JDP2: variants seen among roughly 807,000 people sequenced by gnomAD.
JDP2 encodes the protein Jun dimerization protein 2, also known as progesterone receptor co-activator.
JDP2 carries 9 observed loss-of-function variants against 17.1 expected under a neutral mutation model. The ratio of observed to expected loss-of-function variants is 0.53; its 90% CI spans 0.32 to 0.92. JDP2 has a LOEUF of 0.92. Ranked by LOEUF, JDP2 falls within the 40% of genes least tolerant of loss-of-function variation. The pLI is 0.04. For synonymous variants in JDP2, 107 were observed against 95.6 expected, an observed-to-expected ratio of 1.12 and a Z score of -0.69; for missense variants, 179 against 220.0, an observed-to-expected ratio of 0.81 and a Z score of 1.18.
chr14:75,466,352 A>G (rs1886569876), intron 3 of JDP2, among the ~76,000 whole-genome samples: 1 of 152,164 alleles, frequency 6.6e-6, no homozygotes, highest in Non-Finnish European at 1.5e-5. Flanking sequence ...GAGGCACGAG[A>G]ATTGCTTGAA....
intron 2 of JDP2, among the ~76,000 whole-genome samples, chr14:75,439,337 C>T (rs1451782188): frequency 6.6e-6 from 1 of 152,180 alleles, no homozygotes; most frequent in African/African-American, 2.4e-5. Flanking sequence ...TTTTGTTTGG[C>T]CGGCTCAGTG....
chr14:75,452,982 A>G (rs969197286), intron 2 of JDP2, among the ~76,000 whole-genome samples: 1 of 152,228 alleles, frequency 6.6e-6, no homozygotes, highest in African/African-American at 2.4e-5. Context: ...AGTTTCCAAC[A>G]GCTCAGCCCC....
intron 2 of JDP2, among the ~76,000 whole-genome samples, chr14:75,442,162 G>A (rs1375011991): frequency 1.3e-5 from 2 of 152,042 alleles, no homozygotes; most frequent in African/African-American, 4.8e-5. Flanking sequence ...TTGTTCACAG[G>A]GTGGTTTGCT....
In JDP2 at chr14:75,430,466, AATGGAGTGAGTGTAT is replaced by A. The variant is rs373319839; in HGVS notation, c.-24+2219_-24+2233del. Among the ~76,000 whole-genome samples, 862 of 152,202 alleles carry A rather than the reference AATGGAGTGAGTGTAT, an allele frequency of 5.7e-3. 3 individuals are homozygous for A. Among genetic ancestry groups the A allele is most frequent in the African/African-American group, 0.02 (824 of 41,510 alleles). On this transcript the variant is annotated intron_variant, in intron 1 of 3. Coordinates refer to ENST00000651602, the MANE Select transcript of JDP2 (RefSeq NM_001135048.2). The surrounding 1 kb of genome is among the most constrained non-coding windows in gnomAD (Gnocchi z 4.5). ...GAAACCGAAATGGGAGGAAGAGAAA[AATGGAGTGAGTGTAT>A]ATGGGTATGTGTGTGTGCATACCTA...
At chr14:75,461,204 C>T (rs941511138) in intron 2 of JDP2, among the ~76,000 whole-genome samples, 22 of 152,192 alleles carry the variant, frequency 1.4e-4, no homozygotes, top group Admixed American at 8.5e-4. Flanking sequence ...AATCCCTGCC[C>T]GTTTGGGCTA....
chr14:75,468,702 G>T (rs1383639482), intron 3 of JDP2, among the ~76,000 whole-genome samples: 1 of 152,234 alleles, frequency 6.6e-6, no homozygotes, highest in Non-Finnish European at 1.5e-5. Flanking sequence ...AGATTATAGG[G>T]ATAAGGAAGA....
chr14:75,452,671 G>A (rs899984034), intron 2 of JDP2, among the ~76,000 whole-genome samples: 11 of 152,318 alleles, frequency 7.2e-5, no homozygotes, highest in African/African-American at 2.6e-4. Context: ...TTGAAAACTT[G>A]GAAGAATTAG....
At chr14:75,448,863 A>G (rs887774246) in intron 2 of JDP2, among the ~76,000 whole-genome samples, 3 of 152,170 alleles carry the variant, frequency 2.0e-5, no homozygotes, top group Admixed American at 2.0e-4. Flanking sequence ...AGCCCTGGCA[A>G]TGGGGAGCTC....
rs193281651 is a variant in JDP2, at chr14:75,457,107, G to A, written c.202-4319G>A. 3.2e-3 allele frequency among the ~76,000 whole-genome samples: 493 copies of A among 152,334 alleles called. 3 individuals are homozygous for A. Among genetic ancestry groups the A allele is most frequent in the Middle Eastern group, 6.8e-3 (2 of 294 alleles). Reference sequence around the variant, plus strand: ...GCCCGCATCTCATGGTTCTTTAAATGTATTGAGCGTCAAGCTGCCTCCTCT... The same window carrying A: ...GCCCGCATCTCATGGTTCTTTAAATATATTGAGCGTCAAGCTGCCTCCTCT... On this transcript the variant is annotated intron_variant, in intron 2 of 3. Transcript: ENST00000651602.
chr14:75,467,760 C>G (rs543990765), intron 3 of JDP2, among the ~76,000 whole-genome samples: 1 of 152,276 alleles, frequency 6.6e-6, no homozygotes, highest in Admixed American at 6.5e-5. Flanking sequence ...AGATGCGCCT[C>G]TCTTGGAATT....
rs370510984 is a variant in JDP2, at chr14:75,460,984, G to C, written c.202-442G>C. On this transcript the variant is annotated intron_variant, in intron 2 of 3. Coordinates refer to ENST00000651602, the MANE Select transcript of JDP2 (RefSeq NM_001135048.2). The stretch of plus-strand genomic sequence containing the variant: ...AGGGCCTTCTTGCTGCATCATCCTA[G>C]GGCAGAAGGTGGGAAAGCAAGAGAG... Among the ~76,000 whole-genome samples, 4 of 152,144 alleles carry C rather than the reference G, an allele frequency of 2.6e-5. No homozygotes were observed. In the South Asian group the frequency reaches 8.3e-4, roughly 32 times the overall value.
chr14:75,444,372 A>G (rs148188878), intron 2 of JDP2, among the ~76,000 whole-genome samples: 3 of 152,278 alleles, frequency 2.0e-5, no homozygotes, highest in Admixed American at 6.5e-5. Context: ...GCTTGTATTG[A>G]CCTGAGGGTA....
At chr14:75,431,588 T>C (rs1884799480) in intron 1 of JDP2, among the ~76,000 whole-genome samples, 1 of 152,202 alleles carries the variant, frequency 6.6e-6, no homozygotes, top group Admixed American at 6.5e-5. Flanking sequence ...GGAGGAGACC[T>C]TAGAGGAAAC....
At chr14:75,438,877 C>T (rs1005676060) in intron 2 of JDP2, among the ~76,000 whole-genome samples, 1 of 152,266 alleles carries the variant, frequency 6.6e-6, no homozygotes, top group African/African-American at 2.4e-5. Context: ...GCGACTTGCC[C>T]AGGGCTGGCC....
At chr14:75,447,323 C>T (rs188286250) in intron 2 of JDP2, among the ~76,000 whole-genome samples, 27 of 152,298 alleles carry the variant, frequency 1.8e-4, no homozygotes, top group African/African-American at 5.8e-4. Context: ...CTTTTGTAGA[C>T]GTCATCTCTG....
intron 2 of JDP2, among the ~76,000 whole-genome samples, chr14:75,450,554 A>C (rs1321321360): frequency 1.3e-5 from 2 of 152,232 alleles, no homozygotes; most frequent in Non-Finnish European, 2.9e-5. Flanking sequence ...TCTTGTTCAG[A>C]GCCTTCACCT....
intron 3 of JDP2, among the ~76,000 whole-genome samples, chr14:75,465,931 T>C (rs1198208853): frequency 6.6e-6 from 1 of 152,214 alleles, no homozygotes; most frequent in Non-Finnish European, 1.5e-5. Context: ...AGGTATATGC[T>C]TCATAATTAA....
At chr14:75,438,413 A>T (rs1885179634) in intron 2 of JDP2, among the ~76,000 whole-genome samples, 2 of 152,192 alleles carry the variant, frequency 1.3e-5, no homozygotes. Context: ...AGTGATAATA[A>T]TGACAGTAAT....
Position 75,469,511 on chromosome 14 carries a change from G to C in JDP2, c.*36G>C. 1 of 1,597,426 alleles carries C rather than the reference G, an allele frequency of 6.3e-7. No homozygotes were observed. The highest frequency in any genetic ancestry group is 8.5e-7 in the Non-Finnish European group (1 of 1,171,214). Reference sequence around the variant, plus strand: ...GGAGGAGGTGGAGGAGGAGGAAGAGGAGAAGGAAAAGTGACGAAGAGAGAG... The same window carrying C: ...GGAGGAGGTGGAGGAGGAGGAAGAGCAGAAGGAAAAGTGACGAAGAGAGAG... On this transcript the variant is annotated 3_prime_UTR_variant, in exon 4 of 4. Transcript: ENST00000651602.
Sources: gnomAD v4.1 joint callset for allele counts (sites outside exome capture counted in the v4.1 genomes callset) on GRCh38, gnomAD v4.1.1 for gene constraint, Gnocchi (gnomAD v3.1) non-coding constraint, MANE v1.5 for transcripts, NCBI Gene and HGNC (gene_info 2026-07-23, HGNC 2026-07-21) for gene names.